The following LDB2 variants were observed in gnomAD, a reference collection of about 807,000 sequenced individuals.
The protein encoded by LDB2 is LIM domain-binding protein 2.
In LDB2, 12 loss-of-function variants were observed where a neutral mutation model predicts 44.3. That is an observed-to-expected ratio of 0.27 (90% CI 0.17 to 0.44). The LOEUF (loss-of-function observed/expected upper bound fraction) is 0.44. Ranked by LOEUF, LDB2 falls within the 20% of genes least tolerant of loss-of-function variation. The probability of loss-of-function intolerance (pLI) is 1.00; values close to 1 mark genes in which losing one functional copy is unlikely to be tolerated. For missense variants in LDB2, 344 were observed against 473.5 expected, an observed-to-expected ratio of 0.73 and a Z score of 2.54; for synonymous variants, 164 against 174.8, an observed-to-expected ratio of 0.94 and a Z score of 0.49.
chr4:16,872,299 T>C (rs1014391783), intron 1 of LDB2, among the ~76,000 whole-genome samples: 2 of 152,014 alleles, frequency 1.3e-5, no homozygotes, highest in African/African-American at 2.4e-5. Flanking sequence ...TTCATATTAT[T>C]TTTATTCTTT....
intron 2 of LDB2, among the ~76,000 whole-genome samples, chr4:16,683,389 G>T (rs1028508373): frequency 4.6e-5 from 7 of 152,124 alleles, no homozygotes; most frequent in African/African-American, 1.7e-4. Flanking sequence ...GGAGCTTCAG[G>T]AGAATCAAAA....
intron 5 of LDB2, among the ~76,000 whole-genome samples, chr4:16,526,704 G>T (rs951485846): frequency 5.9e-5 from 9 of 152,218 alleles, no homozygotes; most frequent in Non-Finnish European, 1.3e-4. Context: ...ATAAAAGGGT[G>T]CCAGGAGCCA....
At chr4:16,762,294 G>A (rs1768099814) in intron 1 of LDB2, among the ~76,000 whole-genome samples, 1 of 152,198 alleles carries the variant, frequency 6.6e-6, no homozygotes, top group Admixed American at 6.5e-5. Context: ...AACAGCATCT[G>A]TCTATAACAC....
chr4:16,803,011 T>A (rs1302649231), intron 1 of LDB2, among the ~76,000 whole-genome samples: 1 of 152,198 alleles, frequency 6.6e-6, no homozygotes, highest in Non-Finnish European at 1.5e-5. Context: ...CCTGAGAGCA[T>A]TTTTTAAACT....
chr4:16,610,644 A>C (rs1416976667), intron 2 of LDB2, among the ~76,000 whole-genome samples: 1 of 151,964 alleles, frequency 6.6e-6, no homozygotes, highest in Non-Finnish European at 1.5e-5. Flanking sequence ...GAAATAAGAC[A>C]TGCAGACAAG....
intron 2 of LDB2, among the ~76,000 whole-genome samples, chr4:16,654,099 G>A (rs988693327): frequency 6.6e-6 from 1 of 152,146 alleles, no homozygotes; most frequent in Non-Finnish European, 1.5e-5. Context: ...TATTACCAAG[G>A]TCCAAATATC....
chr4:16,735,305 A>G (rs960880547), intron 2 of LDB2, among the ~76,000 whole-genome samples: 1 of 152,130 alleles, frequency 6.6e-6, no homozygotes, highest in Non-Finnish European at 1.5e-5. Flanking sequence ...CCACCTGTCC[A>G]AATGAAGAGT....
chr4:16,592,501 T>TAC (rs1331692476), intron 3 of LDB2, among the ~76,000 whole-genome samples: 1 of 133,378 alleles, frequency 7.5e-6, no homozygotes, highest in African/African-American at 2.9e-5. Context: ...TATATATATA[T>TAC]ATATACACAC....
intron 1 of LDB2, among the ~76,000 whole-genome samples, chr4:16,880,587 T>C (rs1719765679): frequency 6.6e-6 from 1 of 152,120 alleles, no homozygotes; most frequent in South Asian, 2.1e-4. Context: ...ACTACTTCTT[T>C]CATATCCCTC....
At position 16,662,253 on chromosome 4, in the gene LDB2, G is replaced by A. The variant is rs376035243; in HGVS notation, c.236-66378C>T. Among the ~76,000 whole-genome samples, 6 of 152,124 alleles carry A rather than the reference G, an allele frequency of 3.9e-5. No homozygotes were observed. The South Asian group carries it at 8.3e-4, about 21-fold the overall frequency. ...CTTGCTCACATCCTACCTTGCCCTG[G>A]GAATTGGTATCTTATTGACTTTTGC... On this transcript the variant is annotated intron_variant, in intron 2 of 7. Transcript: ENST00000304523.
At chr4:16,669,105 A>G (rs1388486078) in intron 2 of LDB2, among the ~76,000 whole-genome samples, 1 of 152,240 alleles carries the variant, frequency 6.6e-6, no homozygotes, top group African/African-American at 2.4e-5. Flanking sequence ...TGGAGAATGA[A>G]TATTGAGCAA....
At chr4:16,734,350 A>G (rs1761402200) in intron 2 of LDB2, among the ~76,000 whole-genome samples, 1 of 152,232 alleles carries the variant, frequency 6.6e-6, no homozygotes, top group African/African-American at 2.4e-5. Flanking sequence ...GAATAAATGA[A>G]TGAATGAATG....
intron 2 of LDB2, among the ~76,000 whole-genome samples, chr4:16,709,891 A>G (rs1191210994): frequency 6.6e-6 from 1 of 152,124 alleles, no homozygotes; most frequent in Non-Finnish European, 1.5e-5. Flanking sequence ...TACCTGGCCA[A>G]TTTTACGCAT....
rs576883 is a variant in LDB2, at chr4:16,740,249, C to A, written c.235+18909G>T. Among the ~76,000 whole-genome samples, 811 of 152,056 alleles carry A rather than the reference C, an allele frequency of 5.3e-3. 4 individuals are homozygous for A. Among genetic ancestry groups the A allele is most frequent in the African/African-American group, 0.018 (767 of 41,470 alleles). ...ATCAGCTTTGTTTTCAATGCTAAGA[C>A]ACAGTTTCCATCATTTTTTCTTCTG... On this transcript the variant is annotated intron_variant, in intron 2 of 7. Transcript: ENST00000304523.
chr4:16,644,032 T>C (rs1735949654), intron 2 of LDB2, among the ~76,000 whole-genome samples: 1 of 152,242 alleles, frequency 6.6e-6, no homozygotes, highest in Admixed American at 6.5e-5. Flanking sequence ...TTTTGTCAAC[T>C]TGTCAATTGC....
Position 16,814,975 on chromosome 4 carries a change from G to A in LDB2, c.133-55715C>T, listed in dbSNP as rs530019708. Among the ~76,000 whole-genome samples the A allele has an allele frequency of 7.2e-5, 11 of 152,324 alleles. No individual in the cohort carries two copies. In the South Asian group the frequency reaches 1.4e-3, roughly 20 times the overall value. Reference sequence around the variant, plus strand: ...ATCTTCCTTTTAATAAACAATGCCCGATTTATGGAGAAGAGCATTTGGGGA... The same window carrying A: ...ATCTTCCTTTTAATAAACAATGCCCAATTTATGGAGAAGAGCATTTGGGGA... On this transcript the variant is annotated intron_variant, in intron 1 of 7. Coordinates refer to ENST00000304523, the MANE Select transcript of LDB2 (RefSeq NM_001290.5).
chr4:16,630,530 T>C (rs1490294380), intron 2 of LDB2, among the ~76,000 whole-genome samples: 3 of 151,982 alleles, frequency 2.0e-5, no homozygotes, highest in Admixed American at 2.0e-4. Context: ...ACGGCATAAA[T>C]TAATAGGTGA....
At chr4:16,513,776 C>T (rs1310156393) in intron 5 of LDB2, among the ~76,000 whole-genome samples, 1 of 152,158 alleles carries the variant, frequency 6.6e-6, no homozygotes, top group African/African-American at 2.4e-5. Context: ...CTTTGTCCTG[C>T]CCTACTCTGC....
intron 7 of LDB2, chr4:16,505,778 G>T (rs1719182196): frequency 6.8e-7 from 1 of 1,465,732 alleles, no homozygotes; most frequent in Non-Finnish European, 9.1e-7. Context: ...AAGCCCGGAG[G>T]TGCCACCAGC....
Sources: allele counts gnomAD v4.1 joint callset (sites outside exome capture counted in the v4.1 genomes callset), GRCh38; gene constraint gnomAD v4.1.1; transcripts MANE v1.5; gene names NCBI Gene and HGNC (gene_info 2026-07-23, HGNC 2026-07-21).